The following COL7A1 variants were observed in gnomAD, a reference collection of about 807,000 sequenced individuals.
The protein encoded by COL7A1 is collagen type VII alpha 1 chain, also known as collagen alpha-1(VII) chain.
In COL7A1, 296 loss-of-function variants were observed where a neutral mutation model predicts 456.2. The ratio of observed to expected loss-of-function variants is 0.65; its 90% CI spans 0.59 to 0.71. The LOEUF is 0.71. Among genes scored for constraint, COL7A1 ranks in the 30% least tolerant of loss-of-function variants. COL7A1 has a pLI of 0.00. For missense variants in COL7A1, 3,441 were observed against 4,017.2 expected, an observed-to-expected ratio of 0.86 and a Z score of 3.88; for synonymous variants, 1,464 against 1,525.9, an observed-to-expected ratio of 0.96 and a Z score of 0.95.
Position 48,588,217 on chromosome 3 carries a change from CT to C in COL7A1, c.2710+64del. 6.2e-7 allele frequency: 1 copy of C among 1,611,376 alleles called. No individual in the cohort carries two copies. Among genetic ancestry groups the C allele is most frequent in the Non-Finnish European group, 8.5e-7 (1 of 1,179,348 alleles). On this transcript the variant is annotated intron_variant, in intron 21 of 118. Transcript: ENST00000681320. This position sits in a 1 kb window ranked among gnomAD's most constrained non-coding sequence, Gnocchi z 4.6. ...GCCCACCATCACTGTCCTCGCCTACCTTGCGGAGTCTGCCACAGCCCTGCCC... is the reference window on the plus strand; with the variant it reads ...GCCCACCATCACTGTCCTCGCCTACCTGCGGAGTCTGCCACAGCCCTGCCC...
chr3:48,588,481 C>T lies in COL7A1; in HGVS notation c.2588-77G>A, dbSNP rs574043285. The T allele has an allele frequency of 4.3e-4, 678 of 1,593,114 alleles. No individual in the cohort carries two copies. Among genetic ancestry groups the T allele is most frequent in the Middle Eastern group, 3.0e-3 (14 of 4,662 alleles). On this transcript the variant is annotated intron_variant, in intron 20 of 118. Transcript: ENST00000681320. This position sits in a 1 kb window ranked among gnomAD's most constrained non-coding sequence, Gnocchi z 4.6. ...CCAATCCCAGGCCCACCCTGGCACA[C>T]GCACCCCGCCCAGCCTCTCAGACCC...
Position 48,587,320 on chromosome 3 carries a change from C to T in COL7A1, c.3009G>A (p.Pro1003=), listed in dbSNP as rs1247318588. 6.9e-6 allele frequency: 11 copies of T among 1,600,428 alleles called. No individual in the cohort carries two copies. Among genetic ancestry groups the T allele is most frequent in the Middle Eastern group, 1.7e-4 (1 of 6,026 alleles). The change falls in exon 24 of 119, where the codon CCG becomes CCA. Residue 1003 remains proline (P), a synonymous_variant. Coordinates refer to ENST00000681320, the MANE Select transcript of COL7A1 (RefSeq NM_000094.4). The surrounding 1 kb of genome is among the most constrained non-coding windows in gnomAD (Gnocchi z 6.1). ...RGPGQEVPGS[P]QTLPGISSSQ... Reference sequence around the variant, plus strand: ...AGCTTGAGATCCCTGGAAGTGTCTGCGGGGACCCAGGCACTTCTGCAGGAG... The same window carrying T: ...AGCTTGAGATCCCTGGAAGTGTCTGTGGGGACCCAGGCACTTCTGCAGGAG...
chr3:48,580,493 T>C lies in COL7A1; in HGVS notation c.5052+88A>G. 1 of 1,517,282 alleles carries C rather than the reference T, an allele frequency of 6.6e-7. No individual in the cohort carries two copies. Among genetic ancestry groups the C allele is most frequent in the Non-Finnish European group, 9.1e-7 (1 of 1,102,244 alleles). The allele number at this position is 1,517,282 out of a possible 1,614,324, so 94.0% of individuals were successfully genotyped here. ...AAGTGAAGATTGGGAGGGTTTAGCA[T>C]TACAGGGTTGGGGGGTAGGATCAGG... is the stretch of plus-strand genomic sequence containing the variant. On this transcript the variant is annotated intron_variant, in intron 55 of 118. Coordinates refer to ENST00000681320, the MANE Select transcript of COL7A1 (RefSeq NM_000094.4). The surrounding 1 kb of genome is among the most constrained non-coding windows in gnomAD (Gnocchi z 4.5).
chr3:48,582,961 G>C, intron 44 of COL7A1, 52 bp downstream of exon 44: 1 of 1,613,884 alleles, frequency 6.2e-7, no homozygotes, highest in Non-Finnish European at 8.5e-7. Flanking sequence ...GTCAGAACCA[G>C]AAAGGGCACA....
chr3:48,587,788 C>CG lies in COL7A1; in HGVS notation c.2857+4_2857+5insC. ...GAGGAGCACGCCAAGGTGAGGCAGGCTTACCAGTGCGCGCAGTCACCTCTG... is the reference window on the plus strand; with the variant it reads ...GAGGAGCACGCCAAGGTGAGGCAGGCGTTACCAGTGCGCGCAGTCACCTCTG... On this transcript the variant is annotated splice_donor_region_variant and intron_variant, in intron 22 of 118. Transcript: ENST00000681320. The surrounding 1 kb of genome is among the most constrained non-coding windows in gnomAD (Gnocchi z 6.1). The CG allele has an allele frequency of 6.2e-7, 1 of 1,613,366 alleles. No homozygotes were observed.
In COL7A1 at chr3:48,574,575, A is replaced by G. The variant is rs1458064153; in HGVS notation, c.6394-25T>C. ...CCTGAAGGCAGAGTGTCGTGCCCTG[A>G]GCCCCCAGTCCCTGCCACGTGCCCA... On this transcript the variant is annotated intron_variant, in intron 78 of 118. Coordinates refer to ENST00000681320, the MANE Select transcript of COL7A1 (RefSeq NM_000094.4). The surrounding 1 kb of genome is among the most constrained non-coding windows in gnomAD (Gnocchi z 5.0). 1.2e-6 allele frequency: 2 copies of G among 1,613,698 alleles called. No individual in the cohort carries two copies. The highest frequency in any genetic ancestry group is 1.3e-5 in the African/African-American group (1 of 74,916).
chr3:48,566,334 A>G lies in COL7A1; in HGVS notation c.8359-19T>C, dbSNP rs78922394. On this transcript the variant is annotated intron_variant, in intron 113 of 118. Transcript: ENST00000681320. This position sits in a 1 kb window ranked among gnomAD's most constrained non-coding sequence, Gnocchi z 5.9. ...CATCCTCCTGGGAGCAGAAGACCAC[A>G]GGGACCATAAAGAACCCATGGCCCA... The G allele has an allele frequency of 5.2e-3, 8,401 of 1,605,142 alleles. 372 individuals carry two copies. In the African/African-American group the frequency reaches 0.098, roughly 19 times the overall value.
Position 48,568,709 on chromosome 3 carries a change from G to A in COL7A1, c.7758+75C>T, listed in dbSNP as rs956863392. 2 of 1,510,452 alleles carry A rather than the reference G, an allele frequency of 1.3e-6. No individual in the cohort carries two copies. Among genetic ancestry groups the A allele is most frequent in the African/African-American group, 2.8e-5 (2 of 72,298 alleles). 93.6% of individuals were successfully genotyped at this position (1,510,452 alleles called of 1,614,324 possible). A position where few individuals can be genotyped will look rare whatever the true frequency, so the allele number is the denominator to read the frequency against. On this transcript the variant is annotated intron_variant, in intron 104 of 118. Coordinates refer to ENST00000681320, the MANE Select transcript of COL7A1 (RefSeq NM_000094.4). The surrounding 1 kb of genome is among the most constrained non-coding windows in gnomAD (Gnocchi z 5.2). ...GAGCCAGAACCCCCAGCACTTAAGAGGACCCCCAGGATATGTGTGTGTGTG... is the reference window on the plus strand; with the variant it reads ...GAGCCAGAACCCCCAGCACTTAAGAAGACCCCCAGGATATGTGTGTGTGTG...
rs34791658 is a variant in COL7A1 at position 48,578,821 on chromosome 3, A to AC, written c.5424+97dup. ...CCCTCCCAAAGGCAAGGCTGAACCG[A>AC]CCCCCCACCAACTCTCTCGGATGCT... On this transcript the variant is annotated intron_variant, in intron 63 of 118. Coordinates refer to ENST00000681320, the MANE Select transcript of COL7A1 (RefSeq NM_000094.4). The surrounding 1 kb of genome is among the most constrained non-coding windows in gnomAD (Gnocchi z 4.7). The AC allele has an allele frequency of 1.4e-5, 18 of 1,314,856 alleles. No individual in the cohort carries two copies. The highest frequency in any genetic ancestry group is 2.8e-5 in the South Asian group (2 of 70,536). 81.4% of individuals were successfully genotyped at this position (1,314,856 alleles called of 1,614,324 possible). A position where few individuals can be genotyped will look rare whatever the true frequency, so the allele number is the denominator to read the frequency against.
In COL7A1 at chr3:48,572,977, G is replaced by GACCCTTGACCCCTGGAGCCCA; in HGVS notation, c.6750+23_6751-36dup. On this transcript the variant is annotated intron_variant, in intron 86 of 118. Coordinates refer to ENST00000681320, the MANE Select transcript of COL7A1 (RefSeq NM_000094.4). The surrounding 1 kb of genome is among the most constrained non-coding windows in gnomAD (Gnocchi z 4.6). ...AAGAGCTCTGTCAGGGCTGCCTGTC[G>GACCCTTGACCCCTGGAGCCCA]ACCCTTGACCCCTGGAGCCCAACCC... 1 of 1,613,956 alleles carries GACCCTTGACCCCTGGAGCCCA rather than the reference G, an allele frequency of 6.2e-7. No homozygotes were observed. Among genetic ancestry groups the GACCCTTGACCCCTGGAGCCCA allele is most frequent in the African/African-American group, 1.3e-5 (1 of 74,974 alleles).
At position 48,564,635 on chromosome 3, in the gene COL7A1, G is replaced by T; in HGVS notation, c.8818+148C>A. On this transcript the variant is annotated intron_variant, in intron 118 of 118. Coordinates refer to ENST00000681320, the MANE Select transcript of COL7A1 (RefSeq NM_000094.4). The surrounding 1 kb of genome is among the most constrained non-coding windows in gnomAD (Gnocchi z 6.0). ...CTGGGGCTCTATATTCAGCTCTTTG[G>T]TCTGGGCGTCTGCCCCAGGTCCCCT... 9.4e-7 allele frequency: 1 copy of T among 1,067,352 alleles called. No individual in the cohort carries two copies. Among genetic ancestry groups the T allele is most frequent in the Non-Finnish European group, 1.4e-6 (1 of 734,506 alleles). The allele number at this position is 1,067,352 out of a possible 1,614,324, so 66.1% of individuals were successfully genotyped here.
rs913050647 is a variant in COL7A1 at position 48,565,056 on chromosome 3, G to T, written c.8620+53C>A. ...GAAAGGTCAGGGGGAGGTCAGCAGG[G>T]CTCAGCCCTGCCTGCCCCTCCCCAG... On this transcript the variant is annotated intron_variant, in intron 117 of 118. Transcript: ENST00000681320. This position sits in a 1 kb window ranked among gnomAD's most constrained non-coding sequence, Gnocchi z 4.5. The T allele has an allele frequency of 5.6e-6, 9 of 1,605,424 alleles. No individual in the cohort carries two copies. Among genetic ancestry groups the T allele is most frequent in the Non-Finnish European group, 7.6e-6 (9 of 1,176,480 alleles).
chr3:48,570,876 G>A lies in COL7A1; in HGVS notation c.7257C>T (p.Gly2419=), dbSNP rs1372738270. The A allele has an allele frequency of 6.2e-7, 1 of 1,612,436 alleles. No individual in the cohort carries two copies. The highest frequency in any genetic ancestry group is 1.7e-5 in the Admixed American group (1 of 59,824). ...AGCCCCTCACCCGCTCTCCACTAGG[G>A]CCTGGCTGACCCATCTCTCCTCGAG... ...TGPRGEMGQP[G]PSGERGLAGP... The change falls in exon 95 of 119, where the codon GGC becomes GGT. Residue 2419 remains glycine (G), a synonymous_variant. Coordinates refer to ENST00000681320, the MANE Select transcript of COL7A1 (RefSeq NM_000094.4). This position sits in a 1 kb window ranked among gnomAD's most constrained non-coding sequence, Gnocchi z 5.5.
In COL7A1 at chr3:48,587,859, G is replaced by GT. The variant is rs2045387698; in HGVS notation, c.2790_2791insA (p.Arg931ThrfsTer23). 4 of 1,612,936 alleles carry GT rather than the reference G, an allele frequency of 2.5e-6. No homozygotes were observed. The highest frequency in any genetic ancestry group is 3.4e-6 in the Non-Finnish European group (4 of 1,179,796). On this transcript the variant is annotated frameshift_variant, in exon 22 of 119. Transcript: ENST00000681320. LOFTEE classifies it high-confidence loss of function. The surrounding 1 kb of genome is among the most constrained non-coding windows in gnomAD (Gnocchi z 6.1). ...GGCCCTAGGACACTCAGCCTCACGCGGTACTGTGTCGCTGGCTCCAGCCCG... is the reference window on the plus strand; with the variant it reads ...GGCCCTAGGACACTCAGCCTCACGCGTGTACTGTGTCGCTGGCTCCAGCCCG...
Position 48,588,734 on chromosome 3 carries a change from C to T in COL7A1, c.2495G>A (p.Arg832Gln), listed in dbSNP as rs773211645. 16 of 1,613,792 alleles carry T rather than the reference C, an allele frequency of 9.9e-6. No homozygotes were observed. The highest frequency in any genetic ancestry group is 3.3e-5 in the South Asian group (3 of 91,088). The change falls in exon 20 of 119, where the codon CGG becomes CAG. Residue 832 changes from arginine (R) to glutamine (Q), a missense_variant. Coordinates refer to ENST00000681320, the MANE Select transcript of COL7A1 (RefSeq NM_000094.4). The surrounding 1 kb of genome is among the most constrained non-coding windows in gnomAD (Gnocchi z 4.6). ...LPGNTDSAEI[R>Q]GLEGGVSYSV... Reference sequence around the variant, plus strand: ...GTAGCTGACTCCACCTTCGAGACCCCGGATCTCTGCAGAGTCTGTGTTTCC... The same window carrying T: ...GTAGCTGACTCCACCTTCGAGACCCTGGATCTCTGCAGAGTCTGTGTTTCC...
At position 48,565,453 on chromosome 3, in the gene COL7A1, G is replaced by C. The variant is rs143054969; in HGVS notation, c.8484C>G (p.Leu2828=). The C allele has an allele frequency of 6.2e-7, 1 of 1,613,210 alleles. No homozygotes were observed. The highest frequency in any genetic ancestry group is 1.7e-5 in the Admixed American group (1 of 59,890). The change falls in exon 116 of 119, where the codon CTC becomes CTG. Residue 2828 remains leucine, a synonymous_variant. Coordinates refer to ENST00000681320, the MANE Select transcript of COL7A1 (RefSeq NM_000094.4). The surrounding 1 kb of genome is among the most constrained non-coding windows in gnomAD (Gnocchi z 4.5). ...AGACGCGGAGCACAGGCACAGCATGGAGCTGGGAGCCGGCAGTGTCTGCAG... is the reference window on the plus strand; with the variant it reads ...AGACGCGGAGCACAGGCACAGCATGCAGCTGGGAGCCGGCAGTGTCTGCAG... The part of the protein sequence containing the change: ...SYAADTAGSQ[L]HAVPVLRVSH...
In COL7A1 at chr3:48,582,491, C is replaced by T. The variant is rs374782557; in HGVS notation, c.4586G>A (p.Arg1529His). ...GPEGPPGPTG[R>H]QGEKGEPGRP... is the part of the protein sequence containing the mutation. ...CCGAGGACCCACCTTCTCTCCTTGG[C>T]GGCCAGTGGGTCCTGGTGGCCCCTG... is the stretch of plus-strand genomic sequence containing the variant. The change falls in exon 46 of 119, where the codon CGC (arginine) becomes CAC (histidine). Residue 1529 changes from arginine (R) to histidine (H), a missense_variant. Arg to His is a conservative substitution (Grantham distance 29). This residue lies in a region of COL7A1 where 2,084 missense variants were observed against 2,501.3 expected (regional missense o/e 0.83). Transcript: ENST00000681320. The T allele has an allele frequency of 1.3e-5, 21 of 1,613,990 alleles. No individual in the cohort carries two copies. Among genetic ancestry groups the T allele is most frequent in the South Asian group, 5.5e-5 (5 of 91,084 alleles).
chr3:48,591,414 G>A lies in COL7A1; in HGVS notation c.1636+50C>T, dbSNP rs748197616. The A allele has an allele frequency of 8.7e-6, 14 of 1,608,008 alleles. No homozygotes were observed. The highest frequency in any genetic ancestry group is 1.1e-5 in the Non-Finnish European group (13 of 1,176,808). On this transcript the variant is annotated intron_variant, in intron 13 of 118. Coordinates refer to ENST00000681320, the MANE Select transcript of COL7A1 (RefSeq NM_000094.4). The surrounding 1 kb of genome is among the most constrained non-coding windows in gnomAD (Gnocchi z 7.0). Reference sequence around the variant, plus strand: ...GCTGGAGGTACACTCAGACCCCTCAGGCTGGAACTTCAGTGTGTGTGGTGG... The same window carrying A: ...GCTGGAGGTACACTCAGACCCCTCAAGCTGGAACTTCAGTGTGTGTGGTGG...
chr3:48,565,025 AG>A lies in COL7A1; in HGVS notation c.8621-46del. On this transcript the variant is annotated intron_variant, in intron 117 of 118. Coordinates refer to ENST00000681320, the MANE Select transcript of COL7A1 (RefSeq NM_000094.4). This position sits in a 1 kb window ranked among gnomAD's most constrained non-coding sequence, Gnocchi z 4.5. ...TCAGCAGGGTTTGTGGGAATCAGAGAGGGTTGAAAGGTCAGGGGGAGGTCAG... is the reference window on the plus strand; with the variant it reads ...TCAGCAGGGTTTGTGGGAATCAGAGAGGTTGAAAGGTCAGGGGGAGGTCAG... 2.5e-6 allele frequency: 4 copies of A among 1,613,256 alleles called. No homozygotes were observed. Among genetic ancestry groups the A allele is most frequent in the Non-Finnish European group, 3.4e-6 (4 of 1,179,450 alleles).
Sources: allele counts gnomAD v4.1 joint callset, GRCh38; gene constraint gnomAD v4.1.1; regional missense constraint gnomAD v4.1.1; non-coding constraint Gnocchi (gnomAD v3.1); transcripts MANE v1.5; gene names NCBI Gene and HGNC (gene_info 2026-07-23, HGNC 2026-07-21).